The following DOK6 variants were observed in gnomAD, a reference collection of about 807,000 sequenced individuals.
DOK6 encodes the protein docking protein 6, also known as downstream of tyrosine kinase 6.
Under a neutral mutation model 44.0 loss-of-function variants are expected in DOK6, and 22 were observed. The observed-to-expected ratio is 0.50, with a 90% CI of 0.36 to 0.71. DOK6 has a LOEUF of 0.71. DOK6 is among the 30% of genes least tolerant of loss of function. The pLI is 0.00. For synonymous variants in DOK6, 166 were observed against 145.5 expected, an observed-to-expected ratio of 1.14 and a Z score of -1.01; for missense variants, 340 against 416.4, an observed-to-expected ratio of 0.82 and a Z score of 1.60.
At chr18:69,641,393 GC>G (rs1486109633) in intron 3 of DOK6, among the ~76,000 whole-genome samples, 1 of 152,070 alleles carries the variant, frequency 6.6e-6, no homozygotes, top group African/African-American at 2.4e-5. Context: ...AACACCTTAT[GC>G]CAGTTGCTTA....
chr18:69,515,034 T>A (rs933262828), intron 1 of DOK6, among the ~76,000 whole-genome samples: 23 of 152,172 alleles, frequency 1.5e-4, no homozygotes, highest in African/African-American at 5.3e-4. Context: ...TTCATGTGTA[T>A]CAGCTCTTGG....
intron 3 of DOK6, among the ~76,000 whole-genome samples, chr18:69,642,321 C>T (rs1024290439): frequency 5.3e-5 from 8 of 152,160 alleles, no homozygotes; most frequent in African/African-American, 1.9e-4. Flanking sequence ...TGACCTATAG[C>T]GATTTTTATT....
chr18:69,794,618 T>G (rs919861912), intron 7 of DOK6, among the ~76,000 whole-genome samples: 2 of 152,140 alleles, frequency 1.3e-5, no homozygotes, highest in Non-Finnish European at 2.9e-5. Flanking sequence ...CCAGATAGGA[T>G]GCAAAGCAGG....
rs184820691 is a variant in DOK6 at position 69,548,717 on chromosome 18, C to G, written c.67-15770C>G. The stretch of plus-strand genomic sequence containing the variant: ...CTGGTATATTCCTGGACCTATATGG[C>G]TGCTTTTAAAATTTGATTTTATTTA... On this transcript the variant is annotated intron_variant, in intron 1 of 7. Coordinates refer to ENST00000382713, the MANE Select transcript of DOK6 (RefSeq NM_152721.6). Among the ~76,000 whole-genome samples, 129 of 151,662 alleles carry G rather than the reference C, an allele frequency of 8.5e-4. 2 individuals carry two copies. Among genetic ancestry groups the G allele is most frequent in the Middle Eastern group, 3.4e-3 (1 of 294 alleles).
At chr18:69,627,696 G>A (rs1177135748) in intron 3 of DOK6, among the ~76,000 whole-genome samples, 8 of 152,034 alleles carry the variant, frequency 5.3e-5, no homozygotes, top group Non-Finnish European at 1.0e-4. Flanking sequence ...TGATCCGCCC[G>A]CCTCGGCCTC....
chr18:69,546,639 G>A (rs1982412028), intron 1 of DOK6, among the ~76,000 whole-genome samples: 1 of 151,542 alleles, frequency 6.6e-6, no homozygotes. Flanking sequence ...ACTATGGACT[G>A]CTTGGTGCCT....
At chr18:69,568,586 G>C (rs1444956257) in intron 2 of DOK6, among the ~76,000 whole-genome samples, 1 of 152,212 alleles carries the variant, frequency 6.6e-6, no homozygotes, top group East Asian at 1.9e-4. Flanking sequence ...AAAACCAGCA[G>C]TTCCCAACTA....
At chr18:69,493,581 G>A (rs780101312) in intron 1 of DOK6, among the ~76,000 whole-genome samples, 52 of 152,012 alleles carry the variant, frequency 3.4e-4, no homozygotes, top group Non-Finnish European at 6.3e-4. Context: ...GGCAACTAAG[G>A]ATAATATCTG....
At chr18:69,555,304 G>A (rs12455787) in intron 1 of DOK6, among the ~76,000 whole-genome samples, 41,636 of 151,988 alleles carry the variant, frequency 0.27, 7,254 homozygotes, top group Non-Finnish European at 0.38. Context: ...TCGCCATTTT[G>A]GAAAAGAGTA....
At chr18:69,497,039 C>T (rs745409135) in intron 1 of DOK6, among the ~76,000 whole-genome samples, 11 of 152,090 alleles carry the variant, frequency 7.2e-5, no homozygotes, top group Non-Finnish European at 1.5e-4. Flanking sequence ...ATTATTAAAA[C>T]GGCCTTATGA....
At chr18:69,623,991 T>G (rs1422584575) in intron 3 of DOK6, among the ~76,000 whole-genome samples, 1 of 152,172 alleles carries the variant, frequency 6.6e-6, no homozygotes, top group East Asian at 1.9e-4. Flanking sequence ...TGGCACTGAG[T>G]GAAACCTTAG....
At chr18:69,482,300 T>C (rs1461200700) in intron 1 of DOK6, among the ~76,000 whole-genome samples, 1 of 152,194 alleles carries the variant, frequency 6.6e-6, no homozygotes, top group Non-Finnish European at 1.5e-5. Flanking sequence ...TCCTTGCCCA[T>C]GCCTATGTCC....
chr18:69,793,079 TCTC>T, intron 7 of DOK6, among the ~76,000 whole-genome samples: 3 of 152,250 alleles, frequency 2.0e-5, no homozygotes, highest in Middle Eastern at 6.8e-3. Flanking sequence ...TGTATTAAAA[TCTC>T]CTAGTTTTAA....
intron 4 of DOK6, among the ~76,000 whole-genome samples, chr18:69,679,006 T>A (rs576619954): frequency 1.3e-5 from 2 of 152,182 alleles, no homozygotes; most frequent in East Asian, 3.9e-4. Context: ...AGTGAAACCC[T>A]GTCTCTACAA....
chr18:69,732,310 C>T (rs1978435334), intron 5 of DOK6, among the ~76,000 whole-genome samples: 1 of 151,998 alleles, frequency 6.6e-6, no homozygotes, highest in African/African-American at 2.4e-5. Flanking sequence ...AATATAAAAT[C>T]ATCTGTCAAT....
chr18:69,639,313 C>A (rs1453708694), intron 3 of DOK6, among the ~76,000 whole-genome samples: 4 of 152,110 alleles, frequency 2.6e-5, no homozygotes, highest in Admixed American at 2.0e-4. Context: ...TTAGAGAAAA[C>A]CTTTTACAGC....
chr18:69,504,314 A>G (rs1981125777), intron 1 of DOK6, among the ~76,000 whole-genome samples: 1 of 152,054 alleles, frequency 6.6e-6, no homozygotes, highest in Admixed American at 6.6e-5. Flanking sequence ...CCCCTATTCT[A>G]TCTGACAAAC....
At chr18:69,441,317 A>G (rs925168576) in intron 1 of DOK6, among the ~76,000 whole-genome samples, 10 of 152,096 alleles carry the variant, frequency 6.6e-5, no homozygotes, top group Non-Finnish European at 1.3e-4. Context: ...TTTTCTGTCC[A>G]TCTTTCTCAC....
At chr18:69,775,247 A>G (rs997007321) in intron 7 of DOK6, among the ~76,000 whole-genome samples, 23 of 152,046 alleles carry the variant, frequency 1.5e-4, no homozygotes, top group Non-Finnish European at 2.4e-4. Flanking sequence ...TCCCTAAAGA[A>G]AATAAATAAT....
Sources: gnomAD v4.1 joint callset for allele counts (sites outside exome capture counted in the v4.1 genomes callset) on GRCh38, gnomAD v4.1.1 for gene constraint, MANE v1.5 for transcripts, NCBI Gene and HGNC (gene_info 2026-07-23, HGNC 2026-07-21) for gene names.